Variants in WDR59 observed in about 807,000 individuals in gnomAD.
The protein encoded by WDR59 is WD repeat domain 59.
WDR59 carries 100 observed loss-of-function variants against 131.2 expected under a neutral mutation model. The ratio of observed to expected loss-of-function variants is 0.76; its 90% CI spans 0.65 to 0.90. WDR59 has a LOEUF of 0.90. Ranked by LOEUF, WDR59 falls within the 40% of genes least tolerant of loss-of-function variation. The probability of loss-of-function intolerance (pLI) is 0.00; values close to 1 mark genes in which losing one functional copy is unlikely to be tolerated. For missense variants in WDR59, 1,203 were observed against 1,262.2 expected, an observed-to-expected ratio of 0.95 and a Z score of 0.71; for synonymous variants, 601 against 466.2, an observed-to-expected ratio of 1.29 and a Z score of -3.72.
chr16:74,892,618 T>C, intron 19 of WDR59, 53 bp from the exon 20 acceptor site: 1 of 1,405,424 alleles, frequency 7.1e-7, no homozygotes. Flanking sequence ...ACTTCCCAAA[T>C]CAACGACTCC....
At position 74,951,520 on chromosome 16, in the gene WDR59, G is replaced by C; in HGVS notation, c.264C>G (p.Tyr88Ter). 4.4e-6 allele frequency: 7 copies of C among 1,600,446 alleles called. No homozygotes were observed. The highest frequency in any genetic ancestry group is 2.2e-5 in the East Asian group (1 of 44,636). ...AASSNQRVDL[Y>*]KWKDGSGEVG... is the part of the protein sequence containing the mutation. The stretch of plus-strand genomic sequence containing the variant: ...CTTCCCCACTGCCGTCTTTCCACTT[G>C]TAAAGGTCTACTCGTTGGTTACTCT... Residue 88 changes from tyrosine to a stop codon, truncating the protein, a stop_gained, in exon 4 of 26, where the codon TAC becomes TAG. Transcript: ENST00000262144. LOFTEE classifies it high-confidence loss of function.
intron 23 of WDR59, among the ~76,000 whole-genome samples, chr16:74,886,673 A>T (rs1334709600): frequency 6.6e-6 from 1 of 152,204 alleles, no homozygotes; most frequent in Non-Finnish European, 1.5e-5. Context: ...GAATCCCAGC[A>T]CTTTTGGAGG....
rs375683245 is a variant in WDR59, at chr16:74,896,948, T to A, written c.1867-3136A>T. Among the ~76,000 whole-genome samples the A allele has an allele frequency of 7.1e-4, 108 of 152,340 alleles. 1 individual carries two copies. In the South Asian group the frequency reaches 0.021, roughly 29 times the overall value. On this transcript the variant is annotated intron_variant, in intron 18 of 25. Transcript: ENST00000262144. ...AGGTCACAGCCATCAGCGCTGAGAT[T>A]TGAACACAGGCCTGTCAGGCTGCTA...
Position 74,974,715 on chromosome 16 carries a change from C to T in WDR59, c.55-8893G>A, listed in dbSNP as rs572261707. 1.6e-4 allele frequency among the ~76,000 whole-genome samples: 25 copies of T among 152,254 alleles called. No individual in the cohort carries two copies. The South Asian group carries it at 4.1e-3, about 25-fold the overall frequency. ...TTCTGAAGGTCTGGAATTTTGGTACCTGTTAAGGCAGACGGTGCCTACATG... is the reference window on the plus strand; with the variant it reads ...TTCTGAAGGTCTGGAATTTTGGTACTTGTTAAGGCAGACGGTGCCTACATG... On this transcript the variant is annotated intron_variant, in intron 1 of 25. Coordinates refer to ENST00000262144, the MANE Select transcript of WDR59 (RefSeq NM_030581.4).
At chr16:74,938,039 G>T in intron 8 of WDR59, 111 bp downstream of exon 8, 1 of 712,560 alleles carries the variant, frequency 1.4e-6, no homozygotes, top group Non-Finnish European at 2.1e-6. Context: ...CACATGCACC[G>T]TGAAATACAT....
At chr16:74,892,226 C>T (rs1358430178) in intron 20 of WDR59, among the ~76,000 whole-genome samples, 1 of 152,134 alleles carries the variant, frequency 6.6e-6, no homozygotes, top group Non-Finnish European at 1.5e-5. Flanking sequence ...ACAGCAATCA[C>T]TGATACTGGA....
Position 74,873,821 on chromosome 16 carries a change from ACT to A in WDR59, c.*386_*387del, listed in dbSNP as rs540003798. The A allele has an allele frequency of 3.2e-3, 593 of 184,502 alleles. 3 individuals are homozygous for A. The highest frequency in any genetic ancestry group is 0.013 in the African/African-American group (540 of 42,368). 11.4% of individuals were successfully genotyped at this position (184,502 alleles called of 1,614,324 possible). ...CCTACCCACTGTCCTCGGGCATCTGACTCTGGTCTCTGCACTGGCATCAAGAG... is the reference window on the plus strand; with the variant it reads ...CCTACCCACTGTCCTCGGGCATCTGACTGGTCTCTGCACTGGCATCAAGAG... On this transcript the variant is annotated 3_prime_UTR_variant, in exon 26 of 26. Transcript: ENST00000262144.
chr16:74,874,798 C>T (rs926745664), intron 25 of WDR59, among the ~76,000 whole-genome samples: 7 of 152,158 alleles, frequency 4.6e-5, no homozygotes, highest in African/African-American at 1.4e-4. Context: ...GCCATGTTGG[C>T]CAGGCTGGTC....
At chr16:74,920,313 C>G (rs1667287344) in intron 10 of WDR59, among the ~76,000 whole-genome samples, 1 of 152,046 alleles carries the variant, frequency 6.6e-6, no homozygotes, top group South Asian at 2.1e-4. Context: ...GAGGATTTAG[C>G]CCAAATGTAG....
intron 2 of WDR59, among the ~76,000 whole-genome samples, chr16:74,965,117 C>G (rs374300465): frequency 6.6e-6 from 1 of 152,068 alleles, no homozygotes; most frequent in African/African-American, 2.4e-5. Context: ...GTTGCCCAGG[C>G]TGGTCTTGAA....
At chr16:74,919,623 G>A (rs1188756776) in intron 10 of WDR59, among the ~76,000 whole-genome samples, 1 of 151,950 alleles carries the variant, frequency 6.6e-6, no homozygotes, top group East Asian at 1.9e-4. Flanking sequence ...GATTACAGGC[G>A]TGAGCCACCG....
At position 74,872,566 on chromosome 16, in the gene WDR59, T is replaced by TA. The variant is rs201118431; in HGVS notation, c.*1642dup. On this transcript the variant is annotated 3_prime_UTR_variant, in exon 26 of 26. Transcript: ENST00000262144. ...CAGAGTGAGACCCTGTCTCTCTCTC[T>TA]AAAAAAAAAAAAAAAAAATTTAACT... is the stretch of plus-strand genomic sequence containing the variant. 11,778 of 122,402 alleles carry TA rather than the reference T, an allele frequency of 0.096. 589 individuals are homozygous for TA. The highest frequency in any genetic ancestry group is 0.11 in the Non-Finnish European group (6,092 of 57,902). The allele number at this position is 122,402 out of a possible 1,614,324, so 7.6% of individuals were successfully genotyped here.
intron 1 of WDR59, among the ~76,000 whole-genome samples, chr16:74,969,000 A>G (rs1347198877): frequency 6.6e-6 from 1 of 152,142 alleles, no homozygotes. Flanking sequence ...TTGTGGGGGA[A>G]AGGAGTCTGC....
chr16:74,954,772 A>T (rs887689967), intron 3 of WDR59, among the ~76,000 whole-genome samples: 4 of 152,252 alleles, frequency 2.6e-5, no homozygotes, highest in African/African-American at 9.6e-5. Flanking sequence ...ATGGAATATT[A>T]TCCACTGATA....
intron 14 of WDR59, among the ~76,000 whole-genome samples, chr16:74,910,353 A>G (rs1966027986): frequency 6.6e-6 from 1 of 152,168 alleles, no homozygotes; most frequent in African/African-American, 2.4e-5. Flanking sequence ...CTTCCAACAC[A>G]GTGTAATAAT....
chr16:74,887,905 G>C (rs904168715), intron 22 of WDR59, 150 bp from the exon 23 acceptor site: 4 of 889,156 alleles, frequency 4.5e-6, no homozygotes, highest in Non-Finnish European at 3.4e-6. Context: ...AACACCTGAG[G>C]TCAGGGGTTC....
chr16:74,973,603 C>T (rs2034073189), intron 1 of WDR59, among the ~76,000 whole-genome samples: 1 of 152,176 alleles, frequency 6.6e-6, no homozygotes. Context: ...GTTTCTGAGC[C>T]ATCCTTGTCT....
At chr16:74,959,014 G>A (rs142052569) in intron 2 of WDR59, among the ~76,000 whole-genome samples, 1,545 of 152,026 alleles carry the variant, frequency 0.01, 17 homozygotes, top group Non-Finnish European at 0.017. Flanking sequence ...AGCCGAGATC[G>A]CACCATTGCA....
chr16:74,892,433 AT>A (rs1221765543), intron 20 of WDR59, 50 bp downstream of exon 20: 1 of 1,459,920 alleles, frequency 6.8e-7, no homozygotes, highest in Non-Finnish European at 9.5e-7. Flanking sequence ...AGTAAAAACA[AT>A]TTGCTCCTGA....
Sources: gnomAD v4.1 joint callset for allele counts (sites outside exome capture counted in the v4.1 genomes callset) on GRCh38, gnomAD v4.1.1 for gene constraint, MANE v1.5 for transcripts, NCBI Gene and HGNC (gene_info 2026-07-23, HGNC 2026-07-21) for gene names.